The following IRF4 variants were observed in gnomAD, a reference collection of about 807,000 sequenced individuals.
IRF4 encodes the protein interferon regulatory factor 4, also known as lymphocyte-specific interferon regulatory factor.
IRF4 carries 13 observed loss-of-function variants against 55.5 expected under a neutral mutation model. That is an observed-to-expected ratio of 0.23 (90% CI 0.15 to 0.37). The LOEUF is 0.37. IRF4 is among the 10% of genes least tolerant of loss of function. IRF4 has a pLI of 1.00. For missense variants in IRF4, 397 were observed against 593.8 expected (o/e 0.67, Z 3.44); for synonymous variants, 249 against 240.7 (o/e 1.03, Z -0.32).
At position 407,741 on chromosome 6, in the gene IRF4, A is replaced by G. The variant is rs767217694; in HGVS notation, c.*143A>G. ...GTGACCTCCGCCTCCTGGGTTCAAG[A>G]GACTCTCCTGCCTCAGCCTCCCTGG... On this transcript the variant is annotated 3_prime_UTR_variant, in exon 9 of 9. Transcript: ENST00000380956. 6.8e-6 allele frequency: 5 copies of G among 730,808 alleles called. No individual in the cohort carries two copies. Among genetic ancestry groups the G allele is most frequent in the Non-Finnish European group, 8.7e-6 (4 of 458,272 alleles). 45.3% of individuals were successfully genotyped at this position (730,808 alleles called of 1,614,324 possible).
At chr6:395,280 CAA>C (rs369029146) in intron 3 of IRF4, among the ~76,000 whole-genome samples, 1 of 132,912 alleles carries the variant, frequency 7.5e-6, no homozygotes, top group Non-Finnish European at 1.6e-5. Flanking sequence ...GTTAGTCTTT[CAA>C]AAAAAAAAAG....
intron 8 of IRF4, 42 bp downstream of exon 8, chr6:405,172 C>A: frequency 9.2e-7 from 1 of 1,081,598 alleles, no homozygotes; most frequent in Non-Finnish European, 1.4e-6. Context: ...GCTTCCTGTT[C>A]TTTGTAAAGG....
chr6:394,958 C>T lies in IRF4; in HGVS notation c.354C>T (p.Ile118=), dbSNP rs112896428. 56 of 1,614,180 alleles carry T rather than the reference C, an allele frequency of 3.5e-5. No homozygotes were observed. In the African/African-American group the frequency reaches 6.0e-4, roughly 17 times the overall value. Residue 118 remains isoleucine (I), a synonymous_variant, in exon 3 of 9, where the codon ATC becomes ATT. Coordinates refer to ENST00000380956, the MANE Select transcript of IRF4 (RefSeq NM_002460.4). ...TGGTTGAGCGGAGCCAGCTGGACAT[C>T]TCAGACCCGTACAAAGTGTACAGGA... The part of the protein sequence containing the change: ...EELVERSQLD[I]SDPYKVYRIV...
chr6:400,953 A>G (rs1012215526), intron 6 of IRF4, among the ~76,000 whole-genome samples: 1 of 152,220 alleles, frequency 6.6e-6, no homozygotes, highest in Non-Finnish European at 1.5e-5. Context: ...CCTCCAAAGT[A>G]AAAATTGATT....
rs950401550 is a variant in IRF4, at chr6:393,548, A to G, written c.216+180A>G. Reference sequence around the variant, plus strand: ...AGGAGGAAAGGAGGCCTCGGCTCTCAGCGGGACCGCGGGGGCCGGGAGCCG... The same window carrying G: ...AGGAGGAAAGGAGGCCTCGGCTCTCGGCGGGACCGCGGGGGCCGGGAGCCG... On this transcript the variant is annotated intron_variant, in intron 2 of 8. Transcript: ENST00000380956. The surrounding 1 kb of genome is among the most constrained non-coding windows in gnomAD (Gnocchi z 5.4). 1.3e-5 allele frequency among the ~76,000 whole-genome samples: 2 copies of G among 151,746 alleles called. No individual in the cohort carries two copies. Among genetic ancestry groups the G allele is most frequent in the Non-Finnish European group, 2.9e-5 (2 of 67,888 alleles).
In IRF4 at chr6:409,938, T is replaced by C. The variant is rs1208028198; in HGVS notation, c.*2340T>C. ...CAGTGGAGCTGAATTTTCTGGAAAA[T>C]GCTTCTTGGCTGGGGCCACTACCTC... On this transcript the variant is annotated 3_prime_UTR_variant, in exon 9 of 9. Transcript: ENST00000380956. 2.2e-5 allele frequency: 5 copies of C among 229,576 alleles called. No homozygotes were observed. The highest frequency in any genetic ancestry group is 3.5e-5 in the Non-Finnish European group (4 of 115,710). The allele number at this position is 229,576 out of a possible 1,614,324, so 14.2% of individuals were successfully genotyped here.
At chr6:392,719 T>G in intron 1 of IRF4, among the ~76,000 whole-genome samples, 2 of 150,828 alleles carry the variant, frequency 1.3e-5, no homozygotes. Flanking sequence ...GGGTTGGGAG[T>G]GAGCGAAGGC....
chr6:409,939 G>A lies in IRF4; in HGVS notation c.*2341G>A, dbSNP rs191954703. 170 of 229,352 alleles carry A rather than the reference G, an allele frequency of 7.4e-4. No homozygotes were observed. Among genetic ancestry groups the A allele is most frequent in the Non-Finnish European group, 1.3e-3 (145 of 115,502 alleles). The allele number at this position is 229,352 out of a possible 1,614,324, so 14.2% of individuals were successfully genotyped here. A position where few individuals can be genotyped will look rare whatever the true frequency, so the allele number is the denominator to read the frequency against. ...AGTGGAGCTGAATTTTCTGGAAAAT[G>A]CTTCTTGGCTGGGGCCACTACCTCC... On this transcript the variant is annotated 3_prime_UTR_variant, in exon 9 of 9. Coordinates refer to ENST00000380956, the MANE Select transcript of IRF4 (RefSeq NM_002460.4).
chr6:392,246 C>T (rs1484579628), intron 1 of IRF4, among the ~76,000 whole-genome samples: 1 of 152,264 alleles, frequency 6.6e-6, no homozygotes, highest in East Asian at 1.9e-4. Flanking sequence ...CCCAAGCTCA[C>T]GGCGGCCTCC....
chr6:401,990 C>T (rs1357011181), intron 7 of IRF4, among the ~76,000 whole-genome samples: 1 of 152,202 alleles, frequency 6.6e-6, no homozygotes, highest in Non-Finnish European at 1.5e-5. Flanking sequence ...TGGACCATGG[C>T]TCAGGCTGTT....
chr6:403,113 G>T (rs1181751561), intron 7 of IRF4, among the ~76,000 whole-genome samples: 1 of 152,250 alleles, frequency 6.6e-6, no homozygotes, highest in Non-Finnish European at 1.5e-5. Flanking sequence ...GTTCCCCGAG[G>T]CGGCGGCAAG....
Position 401,615 on chromosome 6 carries a change from A to G in IRF4, c.937A>G (p.Arg313Gly). Residue 313 changes from arginine to glycine, a missense_variant, in exon 7 of 9, where the codon AGG becomes GGG. By Grantham distance (125) the Arg-to-Gly change is moderately radical. Around this residue, in one of 3 missense-constraint regions of IRF4, gnomAD observed 341 missense variants for 548.1 expected, o/e 0.62. Coordinates refer to ENST00000380956, the MANE Select transcript of IRF4 (RefSeq NM_002460.4). The stretch of plus-strand genomic sequence containing the variant: ...TGAGAAGCTGCTGAGCCACCTGGAG[A>G]GGGGCGTGGTCCTCTGGATGGCCCC... ...NIEKLLSHLE[R>G]GVVLWMAPDG... is the part of the protein sequence containing the mutation. The G allele has an allele frequency of 6.2e-7, 1 of 1,614,172 alleles. No individual in the cohort carries two copies. The highest frequency in any genetic ancestry group is 8.5e-7 in the Non-Finnish European group (1 of 1,180,042).
rs1302063160 is a variant in IRF4, at chr6:407,502, C to T, written c.1260C>T (p.Asn420=). ...AACTATATTATTTTGCTCAACAAAA[C>T]AGTGGACATTTCCTGAGGGGCTACG... ...ARQLYYFAQQ[N]SGHFLRGYDL... Residue 420 remains asparagine, a synonymous_variant, in exon 9 of 9, where the codon AAC becomes AAT. Coordinates refer to ENST00000380956, the MANE Select transcript of IRF4 (RefSeq NM_002460.4). 2 of 1,612,118 alleles carry T rather than the reference C, an allele frequency of 1.2e-6. No homozygotes were observed. Among genetic ancestry groups the T allele is most frequent in the Non-Finnish European group, 1.7e-6 (2 of 1,179,092 alleles).
intron 1 of IRF4, among the ~76,000 whole-genome samples, chr6:392,411 C>G (rs1581219927): frequency 6.6e-6 from 1 of 152,278 alleles, no homozygotes; most frequent in East Asian, 1.9e-4. Flanking sequence ...CCCGCCTCCG[C>G]TCTCCCGGGC....
intron 1 of IRF4, among the ~76,000 whole-genome samples, 163 bp from the exon 2 acceptor site, chr6:392,935 G>A (rs1464306935): frequency 6.6e-6 from 1 of 152,156 alleles, no homozygotes; most frequent in East Asian, 1.9e-4. Flanking sequence ...CGGGCCGGCC[G>A]CGAAGGTGCC....
Position 407,816 on chromosome 6 carries a change from T to A in IRF4, c.*218T>A. 7.9e-6 allele frequency: 4 copies of A among 508,510 alleles called. No individual in the cohort carries two copies. The highest frequency in any genetic ancestry group is 1.4e-5 in the Non-Finnish European group (4 of 293,842). 31.5% of individuals were successfully genotyped at this position (508,510 alleles called of 1,614,324 possible). A position where few individuals can be genotyped will look rare whatever the true frequency, so the allele number is the denominator to read the frequency against. On this transcript the variant is annotated 3_prime_UTR_variant, in exon 9 of 9. Transcript: ENST00000380956. ...ACTGCACCCACCCAAGACAAGTGAT[T>A]TTCATTGTAAATATTTGACTTTAGT...
chr6:392,975 C>T (rs1009357676), intron 1 of IRF4, 123 bp from the exon 2 acceptor site: 3 of 578,004 alleles, frequency 5.2e-6, no homozygotes, highest in African/African-American at 2.0e-5. Context: ...GACCCTGACA[C>T]GGCACGCGCG....
intron 8 of IRF4, among the ~76,000 whole-genome samples, chr6:407,211 G>T (rs901500532): frequency 6.6e-6 from 1 of 152,150 alleles, no homozygotes; most frequent in African/African-American, 2.4e-5. Context: ...AGTGGCAGTC[G>T]ATTTGAAAGT....
At chr6:402,982 T>C (rs769984362) in intron 7 of IRF4, among the ~76,000 whole-genome samples, 1 of 152,196 alleles carries the variant, frequency 6.6e-6, no homozygotes. Flanking sequence ...TGCAGTGAGC[T>C]GAGATCGCAC....
Sources: allele counts gnomAD v4.1 joint callset (sites outside exome capture counted in the v4.1 genomes callset), GRCh38; gene constraint gnomAD v4.1.1; regional missense constraint gnomAD v4.1.1; non-coding constraint Gnocchi (gnomAD v3.1); transcripts MANE v1.5; gene names NCBI Gene and HGNC (gene_info 2026-07-23, HGNC 2026-07-21).